Variants in RUNDC1 observed in about 807,000 individuals in gnomAD.
RUNDC1 encodes RUN domain-containing protein 1.
Under a neutral mutation model 49.3 loss-of-function variants are expected in RUNDC1, and 31 were observed. The ratio of observed to expected loss-of-function variants is 0.63; its 90% CI spans 0.47 to 0.85. RUNDC1 has a LOEUF of 0.85. RUNDC1 is among the 40% of genes least tolerant of loss of function. The pLI is 0.00. For synonymous variants in RUNDC1, 347 were observed against 348.6 expected (o/e 1.00, Z 0.05); for missense variants, 715 against 806.7 (o/e 0.89, Z 1.38).
chr17:42,990,732 C>A, intron 4 of RUNDC1, 119 bp from the exon 5 acceptor site: 1 of 1,236,064 alleles, frequency 8.1e-7, no homozygotes, highest in South Asian at 1.5e-5. Context: ...TCCTGGGTGG[C>A]TCTTGCCTTC....
At chr17:42,989,097 T>G (rs1191958622) in intron 2 of RUNDC1, among the ~76,000 whole-genome samples, 1 of 152,152 alleles carries the variant, frequency 6.6e-6, no homozygotes, top group Non-Finnish European at 1.5e-5. Context: ...CTGACTAGCC[T>G]GGTAGAAATT....
rs756385044 is a variant in RUNDC1, at chr17:42,991,471, A to G, written c.1597A>G (p.Ser533Gly). Reference sequence around the variant, plus strand: ...GACAGAGCATGACCCTTTTAAGCGCAGTGCAGACTCAGAATTGAAGGCCTT... The same window carrying G: ...GACAGAGCATGACCCTTTTAAGCGCGGTGCAGACTCAGAATTGAAGGCCTT... The part of the protein sequence containing the change: ...VLTEHDPFKR[S>G]ADSELKALVC... The change falls in exon 5 of 5, where the codon AGT (serine) becomes GGT (glycine). Residue 533 changes from serine to glycine, a missense_variant. Coordinates refer to ENST00000361677, the MANE Select transcript of RUNDC1 (RefSeq NM_173079.5). 82 of 1,614,218 alleles carry G rather than the reference A, an allele frequency of 5.1e-5. 3 individuals carry two copies. In the South Asian group the frequency reaches 7.7e-4, roughly 15 times the overall value.
At position 42,980,759 on chromosome 17, in the gene RUNDC1, G is replaced by T. The variant is rs1462951720; in HGVS notation, c.183G>T (p.Thr61=). 1.3e-6 allele frequency: 2 copies of T among 1,505,560 alleles called. No individual in the cohort carries two copies. The highest frequency in any genetic ancestry group is 1.8e-6 in the Non-Finnish European group (2 of 1,132,946). 93.3% of individuals were successfully genotyped at this position (1,505,560 alleles called of 1,614,324 possible). ...CAACCGCGTTTTTAGAAGAGGCGAC[G>T]GCCGAGGAGCCTGGCGCGGCCCCGG... The part of the protein sequence containing the change: ...PGATAFLEEA[T]AEEPGAAPGS... The change falls in exon 1 of 5, where the codon ACG becomes ACT. Residue 61 remains threonine, a synonymous_variant. Transcript: ENST00000361677.
At chr17:42,989,152 C>CT (rs2050205954) in intron 2 of RUNDC1, among the ~76,000 whole-genome samples, 189 bp from the exon 3 acceptor site, 1 of 152,136 alleles carries the variant, frequency 6.6e-6, no homozygotes, top group Non-Finnish European at 1.5e-5. Flanking sequence ...ACTGAGGGTT[C>CT]TTTTTACTTT....
In RUNDC1 at chr17:42,991,061, C is replaced by T; in HGVS notation, c.1187C>T (p.Ala396Val). The T allele has an allele frequency of 1.9e-6, 3 of 1,614,118 alleles. No homozygotes were observed. The African/African-American group carries it at 4.0e-5, about 22-fold the overall frequency. Residue 396 changes from alanine (A) to valine (V), a missense_variant, in exon 5 of 5, where the codon GCC (alanine) becomes GTC (valine). Physicochemically the swap from Ala to Val is moderately conservative, Grantham distance 64 (BLOSUM62 0). Coordinates refer to ENST00000361677, the MANE Select transcript of RUNDC1 (RefSeq NM_173079.5). ...EVSVDRVKQL[A>V]LRQQPHDHVI... Reference sequence around the variant, plus strand: ...TCAGTGGACAGAGTGAAGCAGCTAGCCTTGAGGCAGCAGCCACATGACCAT... The same window carrying T: ...TCAGTGGACAGAGTGAAGCAGCTAGTCTTGAGGCAGCAGCCACATGACCAT...
chr17:42,991,138 C>G lies in RUNDC1; in HGVS notation c.1264C>G (p.Leu422Val). The change falls in exon 5 of 5, where the codon CTG (leucine) becomes GTG (valine). Residue 422 changes from leucine (L) to valine (V), a missense_variant. Around this residue, in one of 5 missense-constraint regions of RUNDC1, gnomAD observed 425 missense variants for 499.7 expected, o/e 0.85. Transcript: ENST00000361677. ...QDLSLGGKDE[L>V]TMAVRKELTV... ...CCTCTCTCTGGGAGGCAAGGATGAGCTGACTATGGCTGTGCGGAAGGAGCT... is the reference window on the plus strand; with the variant it reads ...CCTCTCTCTGGGAGGCAAGGATGAGGTGACTATGGCTGTGCGGAAGGAGCT... 1 of 1,614,218 alleles carries G rather than the reference C, an allele frequency of 6.2e-7. No individual in the cohort carries two copies. The highest frequency in any genetic ancestry group is 8.5e-7 in the Non-Finnish European group (1 of 1,180,034).
chr17:42,994,875 A>G lies in RUNDC1; in HGVS notation c.*3159A>G, dbSNP rs2151963172. ...CAGATCCAAGGATATGCAAGAATGG[A>G]AGGGTCAAGAGCCACGGATATGTAT... On this transcript the variant is annotated 3_prime_UTR_variant, in exon 5 of 5. Coordinates refer to ENST00000361677, the MANE Select transcript of RUNDC1 (RefSeq NM_173079.5). Among the ~76,000 whole-genome samples the G allele has an allele frequency of 6.6e-6, 1 of 152,300 alleles. No homozygotes were observed. Among genetic ancestry groups the G allele is most frequent in the Admixed American group, 6.5e-5 (1 of 15,298 alleles).
chr17:42,990,070 T>C (rs894188305), intron 3 of RUNDC1, among the ~76,000 whole-genome samples: 3 of 152,224 alleles, frequency 2.0e-5, no homozygotes, highest in Non-Finnish European at 2.9e-5. Context: ...ATTGGTTTTA[T>C]GTCCTTGAGC....
intron 1 of RUNDC1, among the ~76,000 whole-genome samples, chr17:42,983,018 G>GA (rs138243664): frequency 0.21 from 27,941 of 134,110 alleles, 2,752 homozygotes; most frequent in South Asian, 0.24. Flanking sequence ...ATTAAAAACT[G>GA]AAAAAAAAAA....
In RUNDC1 at chr17:42,980,945, G is replaced by T. The variant is rs1317977493; in HGVS notation, c.369G>T (p.Leu123=). The T allele has an allele frequency of 6.5e-7, 1 of 1,540,342 alleles. No homozygotes were observed. Among genetic ancestry groups the T allele is most frequent in the South Asian group, 1.2e-5 (1 of 84,454 alleles). The change falls in exon 1 of 5, where the codon CTG becomes CTT. Residue 123 remains leucine (L), a synonymous_variant. Transcript: ENST00000361677. ...CGCCGGCGGAGCAGCAGCGCCTTCT[G>T]CGGGAGCTCGAAGACTTCGCCTTCC... ...RGAPAEQQRL[L]RELEDFAFRG...
intron 2 of RUNDC1, 46 bp downstream of exon 2, chr17:42,987,460 T>C: frequency 6.3e-7 from 1 of 1,591,848 alleles, no homozygotes; most frequent in Non-Finnish European, 8.6e-7. Flanking sequence ...GAGGTTAACT[T>C]GTCCCTTCCA....
In RUNDC1 at chr17:42,991,064, T is replaced by G; in HGVS notation, c.1190T>G (p.Leu397Trp). 6.2e-6 allele frequency: 10 copies of G among 1,614,124 alleles called. No individual in the cohort carries two copies. Among genetic ancestry groups the G allele is most frequent in the Non-Finnish European group, 6.8e-6 (8 of 1,180,014 alleles). Residue 397 changes from leucine to tryptophan, a missense_variant, in exon 5 of 5, where the codon TTG becomes TGG. By Grantham distance (61) the Leu-to-Trp change is moderately conservative (BLOSUM62 -2). This residue lies in a region of RUNDC1 where 425 missense variants were observed against 499.7 expected (regional missense o/e 0.85). Transcript: ENST00000361677. The part of the protein sequence containing the change: ...VSVDRVKQLA[L>W]RQQPHDHVIT... ...GTGGACAGAGTGAAGCAGCTAGCCT[T>G]GAGGCAGCAGCCACATGACCATGTC...
chr17:42,987,533 T>G, intron 2 of RUNDC1, 119 bp downstream of exon 2: 1 of 918,554 alleles, frequency 1.1e-6, no homozygotes, highest in Non-Finnish European at 1.6e-6. Context: ...ATCCCTCTGC[T>G]GGCCCAAATC....
At chr17:42,988,473 G>A (rs1000617736) in intron 2 of RUNDC1, among the ~76,000 whole-genome samples, 1 of 151,852 alleles carries the variant, frequency 6.6e-6, no homozygotes, top group African/African-American at 2.4e-5. Context: ...GGCTGGTCTT[G>A]AGCTCCTGAC....
intron 1 of RUNDC1, among the ~76,000 whole-genome samples, chr17:42,986,448 C>CT (rs1328859406): frequency 3.3e-5 from 5 of 152,040 alleles, no homozygotes; most frequent in Non-Finnish European, 7.4e-5. Flanking sequence ...CAGAAGTGGT[C>CT]TATCGTACAT....
rs776264058 is a variant in RUNDC1 at position 42,981,063 on chromosome 17, G to A, written c.487G>A (p.Gly163Ser). 30 of 1,564,772 alleles carry A rather than the reference G, an allele frequency of 1.9e-5. No homozygotes were observed. The highest frequency in any genetic ancestry group is 3.4e-6 in the Non-Finnish European group (4 of 1,163,452). ...GCCAGGGGACCGGCCATGGTTGCGG[G>A]GCGAGGACCAGGTGAGTGGCTGGAG... Reference protein sequence around the residue: ...GLPGDRPWLRGEDQSEQEKQE... With the variant: ...GLPGDRPWLRSEDQSEQEKQE... Residue 163 changes from glycine to serine, a missense_variant, in exon 1 of 5, where the codon GGC becomes AGC. Around this residue, in one of 5 missense-constraint regions of RUNDC1, gnomAD observed 113 missense variants for 93.4 expected, o/e 1.21. Coordinates refer to ENST00000361677, the MANE Select transcript of RUNDC1 (RefSeq NM_173079.5).
At chr17:42,988,954 G>A (rs1236696400) in intron 2 of RUNDC1, among the ~76,000 whole-genome samples, 1 of 152,178 alleles carries the variant, frequency 6.6e-6, no homozygotes, top group Non-Finnish European at 1.5e-5. Context: ...CCTAGCCTGG[G>A]TGACTGAGCA....
In RUNDC1 at chr17:42,993,730, T is replaced by C. The variant is rs2050275095; in HGVS notation, c.*2014T>C. 6.6e-6 allele frequency: 1 copy of C among 152,170 alleles called. No homozygotes were observed. Among genetic ancestry groups the C allele is most frequent in the African/African-American group, 2.4e-5 (1 of 41,446 alleles). 9.4% of individuals were successfully genotyped at this position (152,170 alleles called of 1,614,324 possible). Reference sequence around the variant, plus strand: ...CCTCTGTTACGGATCATCTCAGCTTTGGTGGTGGTAGTAGGGGTTTTTTGC... The same window carrying C: ...CCTCTGTTACGGATCATCTCAGCTTCGGTGGTGGTAGTAGGGGTTTTTTGC... On this transcript the variant is annotated 3_prime_UTR_variant, in exon 5 of 5. Coordinates refer to ENST00000361677, the MANE Select transcript of RUNDC1 (RefSeq NM_173079.5).
intron 1 of RUNDC1, 200 bp downstream of exon 1, chr17:42,981,274 G>A: frequency 3.1e-6 from 2 of 643,264 alleles, no homozygotes; most frequent in Admixed American, 3.4e-5. Context: ...GAGGGTGAGC[G>A]GTGTGCACGG....
Sources: allele counts gnomAD v4.1 joint callset (sites outside exome capture counted in the v4.1 genomes callset), GRCh38; gene constraint gnomAD v4.1.1; regional missense constraint gnomAD v4.1.1; transcripts MANE v1.5; gene names NCBI Gene and HGNC (gene_info 2026-07-23, HGNC 2026-07-21).